The following TNN variants were observed in gnomAD, a reference collection of about 807,000 sequenced individuals.
TNN encodes tenascin N.
TNN carries 122 observed loss-of-function variants against 134.4 expected under a neutral mutation model. The observed-to-expected ratio is 0.91, with a 90% confidence interval of 0.78 to 1.06. TNN has a LOEUF of 1.06. Ranked by LOEUF, TNN falls within the 50% of genes least tolerant of loss-of-function variation. TNN has a pLI of 0.00. For synonymous variants in TNN, 710 were observed against 670.3 expected, an observed-to-expected ratio of 1.06 and a Z score of -0.91; for missense variants, 1,739 against 1,699.4, an observed-to-expected ratio of 1.02 and a Z score of -0.41.
intron 5 of TNN, among the ~76,000 whole-genome samples, 177 bp downstream of exon 5, chr1:175,084,112 T>G (rs1306326536): frequency 6.6e-6 from 1 of 152,212 alleles, no homozygotes; most frequent in African/African-American, 2.4e-5. Context: ...CTGGGAGGCC[T>G]GTAGACTCTG....
chr1:175,128,305 G>A, intron 14 of TNN, 141 bp downstream of exon 14: 1 of 885,556 alleles, frequency 1.1e-6, no homozygotes, highest in Non-Finnish European at 1.7e-6. Context: ...GGGGTTGTGT[G>A]TTCAAAAGAA....
chr1:175,117,199 C>T lies in TNN; in HGVS notation c.2380C>T (p.Gln794Ter), dbSNP rs1294229257. Reference protein sequence around the residue: ...QESKKADTKAQTDIDSPQNLV... With the variant: ...QESKKADTKA ...GAGCAAGAAGGCTGACACCAAGGCC[C>T]AGACAGGTAAGGAGCATTGTTCTTT... The change falls in exon 10 of 19, where the codon CAG becomes TAG. Residue 794 changes from glutamine (Q) to a stop codon, truncating the protein, a stop_gained. Transcript: ENST00000239462. LOFTEE classifies it high-confidence loss of function. 1.2e-6 allele frequency: 2 copies of T among 1,614,202 alleles called. No individual in the cohort carries two copies. Among genetic ancestry groups the T allele is most frequent in the Admixed American group, 3.3e-5 (2 of 60,014 alleles).
chr1:175,113,318 CTGGG>C (rs1043957033), intron 9 of TNN, among the ~76,000 whole-genome samples: 44 of 152,252 alleles, frequency 2.9e-4, no homozygotes, highest in African/African-American at 9.4e-4. Context: ...AATAGACTTG[CTGGG>C]TGTGGTATTC....
intron 9 of TNN, among the ~76,000 whole-genome samples, chr1:175,116,197 A>G (rs984923916): frequency 6.6e-6 from 1 of 152,164 alleles, no homozygotes; most frequent in African/African-American, 2.4e-5. Context: ...TAGAATATGT[A>G]CTAATATTAT....
At chr1:175,080,782 C>T (rs1674180826) in intron 4 of TNN, among the ~76,000 whole-genome samples, 1 of 152,114 alleles carries the variant, frequency 6.6e-6, no homozygotes, top group African/African-American at 2.4e-5. Flanking sequence ...TGAGAGGCTG[C>T]TGAAGCCACC....
In TNN at chr1:175,115,539, T is replaced by C. The variant is rs538772046; in HGVS notation, c.2120-1400T>C. On this transcript the variant is annotated intron_variant, in intron 9 of 18. Coordinates refer to ENST00000239462, the MANE Select transcript of TNN (RefSeq NM_022093.2). ...CCATGGGGAAAGGTGTAACAGTTGCTCACAGCTCCGCTTGGAGATGTCAGG... is the reference window on the plus strand; with the variant it reads ...CCATGGGGAAAGGTGTAACAGTTGCCCACAGCTCCGCTTGGAGATGTCAGG... Among the ~76,000 whole-genome samples the C allele has an allele frequency of 8.5e-4, 129 of 152,280 alleles. 1 individual carries two copies. Among genetic ancestry groups the C allele is most frequent in the African/African-American group, 3.0e-3 (125 of 41,544 alleles).
intron 9 of TNN, among the ~76,000 whole-genome samples, chr1:175,111,594 AT>A (rs1424939340): frequency 6.7e-6 from 1 of 150,204 alleles, no homozygotes; most frequent in Admixed American, 6.6e-5. Flanking sequence ...TGGGAGTACA[AT>A]TTTTTTTACA....
rs541589450 is a variant in TNN at position 175,102,393 on chromosome 1, A to G, written c.2119+3798A>G. Reference sequence around the variant, plus strand: ...AGGCTCGGGCTGCACAGGAACCCACAGAGGTTGGGGAAGGCTTAGGCATGG... The same window carrying G: ...AGGCTCGGGCTGCACAGGAACCCACGGAGGTTGGGGAAGGCTTAGGCATGG... On this transcript the variant is annotated intron_variant, in intron 9 of 18. Coordinates refer to ENST00000239462, the MANE Select transcript of TNN (RefSeq NM_022093.2). Among the ~76,000 whole-genome samples the G allele has an allele frequency of 8.2e-5, 12 of 146,106 alleles. No individual in the cohort carries two copies. In the South Asian group the frequency reaches 2.3e-3, roughly 28 times the overall value.
At chr1:175,086,629 T>G (rs1304306552) in intron 6 of TNN, among the ~76,000 whole-genome samples, 2 of 152,192 alleles carry the variant, frequency 1.3e-5, no homozygotes, top group African/African-American at 2.4e-5. Flanking sequence ...GTTATGGTGG[T>G]GAGAATAAGA....
chr1:175,115,714 G>A (rs954212127), intron 9 of TNN, among the ~76,000 whole-genome samples: 17 of 152,136 alleles, frequency 1.1e-4, no homozygotes, highest in African/African-American at 3.9e-4. Flanking sequence ...GGCCACAGGG[G>A]GTGGGGCACA....
chr1:175,127,292 C>T (rs561064908), intron 13 of TNN, among the ~76,000 whole-genome samples: 1 of 152,338 alleles, frequency 6.6e-6, no homozygotes, highest in South Asian at 2.1e-4. Context: ...TTTCATTTAT[C>T]ACCATATCTA....
intron 9 of TNN, among the ~76,000 whole-genome samples, chr1:175,109,758 G>A (rs956014613): frequency 6.6e-6 from 1 of 151,022 alleles, no homozygotes; most frequent in Non-Finnish European, 1.5e-5. Context: ...CCATCCACTA[G>A]TGGACAGTTA....
intron 9 of TNN, among the ~76,000 whole-genome samples, chr1:175,110,995 T>C (rs888981481): frequency 6.6e-6 from 1 of 151,414 alleles, no homozygotes; most frequent in Admixed American, 6.6e-5. Context: ...GCCAACATGG[T>C]GAAACCCTGT....
At chr1:175,140,905 T>C (rs1239980237) in intron 17 of TNN, among the ~76,000 whole-genome samples, 2 of 152,236 alleles carry the variant, frequency 1.3e-5, no homozygotes, top group African/African-American at 4.8e-5. Flanking sequence ...TCTTGAATGC[T>C]GAGGCACTGT....
At chr1:175,100,751 G>A (rs574593469) in intron 9 of TNN, among the ~76,000 whole-genome samples, 1 of 152,192 alleles carries the variant, frequency 6.6e-6, no homozygotes, top group South Asian at 2.1e-4. Context: ...TATGTGGTAT[G>A]GAGGAACATA....
intron 1 of TNN, among the ~76,000 whole-genome samples, chr1:175,074,483 T>G (rs1360483287): frequency 3.8e-5 from 2 of 52,416 alleles, no homozygotes; most frequent in African/African-American, 1.4e-4. Context: ...GGATCCTGTC[T>G]GAAAAAAAAA....
rs1227736405 is a variant in TNN at position 175,098,578 on chromosome 1, A to G, written c.2102A>G (p.Asp701Gly). 1 of 1,614,094 alleles carries G rather than the reference A, an allele frequency of 6.2e-7. No individual in the cohort carries two copies. Among genetic ancestry groups the G allele is most frequent in the South Asian group, 1.1e-5 (1 of 91,070 alleles). Residue 701 changes from aspartate to glycine, a missense_variant, in exon 9 of 19, where the codon GAC (aspartate) becomes GGC (glycine). Physicochemically the swap from Asp to Gly is moderately conservative, Grantham distance 94. Transcript: ENST00000239462. ...QKGDQESKKA[D>G]TKAQTDIDSP... is the part of the protein sequence containing the mutation. The stretch of plus-strand genomic sequence containing the variant: ...GGGGACCAGGAGAGCAAGAAGGCCG[A>G]CACCAAGGCCCAGACAGGTAAGGAG...
intron 15 of TNN, among the ~76,000 whole-genome samples, chr1:175,131,131 T>G (rs974569312): frequency 6.6e-6 from 1 of 152,228 alleles, no homozygotes; most frequent in African/African-American, 2.4e-5. Flanking sequence ...CCTTTTATGG[T>G]AATTCTTCCA....
chr1:175,144,879 T>C (rs74126919), intron 18 of TNN, among the ~76,000 whole-genome samples: 9,436 of 152,314 alleles, frequency 0.062, 531 homozygotes, highest in African/African-American at 0.15. Flanking sequence ...CTCTAGCTGC[T>C]GTAACAAAAT....
Sources: allele counts gnomAD v4.1 joint callset (sites outside exome capture counted in the v4.1 genomes callset), GRCh38; gene constraint gnomAD v4.1.1; transcripts MANE v1.5; gene names NCBI Gene and HGNC (gene_info 2026-07-23, HGNC 2026-07-21).